The following MAGI1 variants were observed in gnomAD, a reference collection of about 807,000 sequenced individuals.
MAGI1 encodes membrane associated guanylate kinase, WW and PDZ domain containing 1.
Under a neutral mutation model 139.9 loss-of-function variants are expected in MAGI1, and 58 were observed. The observed-to-expected ratio is 0.41, with a 90% confidence interval of 0.34 to 0.52. The LOEUF (loss-of-function observed/expected upper bound fraction) is 0.52. Among genes scored for constraint, MAGI1 ranks in the 20% least tolerant of loss-of-function variants. The probability of loss-of-function intolerance (pLI) is 0.12; values close to 1 mark genes in which losing one functional copy is unlikely to be tolerated. For synonymous variants in MAGI1, 812 were observed against 737.9 expected (o/e 1.10, Z -1.63); for missense variants, 1,874 against 1,901.6 (o/e 0.99, Z 0.27).
At chr3:65,708,201 T>C (rs1448008710) in intron 1 of MAGI1, among the ~76,000 whole-genome samples, 1 of 152,236 alleles carries the variant, frequency 6.6e-6, no homozygotes, top group Non-Finnish European at 1.5e-5. Context: ...GGACCCAACC[T>C]GGCTTTTCCC....
At chr3:65,904,821 A>T (rs1240377164) in intron 1 of MAGI1, among the ~76,000 whole-genome samples, 1 of 152,228 alleles carries the variant, frequency 6.6e-6, no homozygotes. Flanking sequence ...ATGTGGATGC[A>T]GCACCTGCCA....
chr3:65,549,940 T>G (rs1267001511), intron 2 of MAGI1, among the ~76,000 whole-genome samples: 1 of 152,214 alleles, frequency 6.6e-6, no homozygotes, highest in Non-Finnish European at 1.5e-5. Flanking sequence ...TTAAATAGCA[T>G]CTGCCATTTT....
Position 65,666,902 on chromosome 3 carries a change from T to A in MAGI1, c.314-44814A>T, listed in dbSNP as rs75651311. Among the ~76,000 whole-genome samples the A allele has an allele frequency of 2.7e-3, 405 of 152,244 alleles. 2 individuals are homozygous for A. Among genetic ancestry groups the A allele is most frequent in the African/African-American group, 9.0e-3 (373 of 41,556 alleles). On this transcript the variant is annotated intron_variant, in intron 1 of 22. Transcript: ENST00000402939. ...GGCAAGGTCCACCATTAGGGGGAGA[T>A]GAGCGCTGCGCTTCAATACCCTTTC...
At chr3:65,429,160 A>C (rs1947293052) in intron 12 of MAGI1, among the ~76,000 whole-genome samples, 1 of 151,996 alleles carries the variant, frequency 6.6e-6, no homozygotes, top group African/African-American at 2.4e-5. Context: ...ATGGGGTCTC[A>C]ATATGTTGCC....
intron 3 of MAGI1, among the ~76,000 whole-genome samples, chr3:65,484,309 G>A (rs1951480519): frequency 6.6e-6 from 1 of 152,100 alleles, no homozygotes; most frequent in Non-Finnish European, 1.5e-5. Context: ...CAAGGTAAAT[G>A]GGGGTGGGAA....
intron 1 of MAGI1, among the ~76,000 whole-genome samples, chr3:65,739,578 T>C (rs772035784): frequency 5.3e-5 from 8 of 152,220 alleles, no homozygotes; most frequent in Non-Finnish European, 8.8e-5. Flanking sequence ...AGCTTAATCA[T>C]CTCTAGCTTT....
chr3:65,780,012 A>T (rs1410189777), intron 1 of MAGI1, among the ~76,000 whole-genome samples: 5 of 128,864 alleles, frequency 3.9e-5, no homozygotes, highest in Non-Finnish European at 7.9e-5. Context: ...AGAACATGCT[A>T]TCAATTTTTT....
At position 65,869,364 on chromosome 3, in the gene MAGI1, TTTTTTGTTGTTGTTGTTG is replaced by T. The variant is rs1254136354; in HGVS notation, c.313+168614_313+168631del. Among the ~76,000 whole-genome samples, 116 of 115,842 alleles carry T rather than the reference TTTTTTGTTGTTGTTGTTG, an allele frequency of 1.0e-3. 1 individual carries two copies. Among genetic ancestry groups the T allele is most frequent in the Admixed American group, 3.0e-3 (34 of 11,354 alleles). The allele number at this position is 115,842 out of a possible 152,430, so 76.0% of individuals were successfully genotyped here. A position where few individuals can be genotyped will look rare whatever the true frequency, so the allele number is the denominator to read the frequency against. ...GTACAGATCCCAAAGGCAAGACTGG[TTTTTTGTTGTTGTTGTTG>T]TTGTTGTTGTTGTTGTTGTTGTTGT... On this transcript the variant is annotated intron_variant, in intron 1 of 22. Coordinates refer to ENST00000402939, the MANE Select transcript of MAGI1 (RefSeq NM_001033057.2).
At chr3:65,946,463 T>G (rs1560042224) in intron 1 of MAGI1, among the ~76,000 whole-genome samples, 1 of 152,142 alleles carries the variant, frequency 6.6e-6, no homozygotes, top group Non-Finnish European at 1.5e-5. Flanking sequence ...TTTTTTCCGT[T>G]GGGCAGAAAT....
intron 1 of MAGI1, among the ~76,000 whole-genome samples, chr3:66,022,401 C>A (rs533735258): frequency 6.6e-6 from 1 of 152,246 alleles, no homozygotes; most frequent in African/African-American, 2.4e-5. Flanking sequence ...TAAATAATGA[C>A]ACATGTATAA....
intron 1 of MAGI1, among the ~76,000 whole-genome samples, chr3:65,824,497 G>T (rs1217820885): frequency 6.6e-6 from 1 of 152,196 alleles, no homozygotes; most frequent in African/African-American, 2.4e-5. Context: ...GAAAACATGT[G>T]AACGGTGCTG....
intron 1 of MAGI1, among the ~76,000 whole-genome samples, chr3:65,936,512 G>C (rs1018228090): frequency 2.0e-5 from 3 of 151,004 alleles, no homozygotes; most frequent in Non-Finnish European, 4.4e-5. Flanking sequence ...GCTGGTACAC[G>C]CCTGTAATCC....
chr3:65,656,340 T>C (rs2085873506), intron 1 of MAGI1, among the ~76,000 whole-genome samples: 2 of 152,160 alleles, frequency 1.3e-5, no homozygotes, highest in Non-Finnish European at 2.9e-5. Context: ...GTCTGTTCCA[T>C]TTGGCCTCCC....
chr3:65,807,310 A>G (rs1286658358), intron 1 of MAGI1, among the ~76,000 whole-genome samples: 1 of 152,146 alleles, frequency 6.6e-6, no homozygotes, highest in Non-Finnish European at 1.5e-5. Flanking sequence ...TCTGCTTTCA[A>G]AACAGAGCTT....
intron 2 of MAGI1, among the ~76,000 whole-genome samples, chr3:65,503,362 G>A (rs2077159038): frequency 6.6e-6 from 1 of 152,174 alleles, no homozygotes; most frequent in Non-Finnish European, 1.5e-5. Flanking sequence ...AAGGAAGCAA[G>A]GCCACTCAGG....
chr3:65,501,486 T>C (rs908469696), intron 2 of MAGI1, among the ~76,000 whole-genome samples: 5 of 140,150 alleles, frequency 3.6e-5, no homozygotes, highest in African/African-American at 1.3e-4. Context: ...TTTAAACATA[T>C]TTGGGTAAAA....
chr3:65,459,021 G>A (rs1189017104), intron 5 of MAGI1, among the ~76,000 whole-genome samples: 1 of 152,130 alleles, frequency 6.6e-6, no homozygotes, highest in Non-Finnish European at 1.5e-5. Flanking sequence ...TCTGTATATG[G>A]ATATCCAGTT....
chr3:65,914,271 T>A (rs1418236058), intron 1 of MAGI1: 3 of 152,122 alleles, frequency 2.0e-5, no homozygotes, highest in Non-Finnish European at 4.4e-5. Context: ...AAAAGTCAAC[T>A]CTCTGTTGCA....
intron 1 of MAGI1, among the ~76,000 whole-genome samples, chr3:65,984,339 G>C (rs6803223): frequency 1.3e-5 from 2 of 151,862 alleles, no homozygotes; most frequent in African/African-American, 4.8e-5. Context: ...CTGGTGGTTA[G>C]TAGAAAGATG....
Sources: allele counts gnomAD v4.1 joint callset (sites outside exome capture counted in the v4.1 genomes callset), GRCh38; gene constraint gnomAD v4.1.1; transcripts MANE v1.5; gene names NCBI Gene and HGNC (gene_info 2026-07-23, HGNC 2026-07-21).